POLR1A: variants seen among roughly 807,000 people sequenced by gnomAD.
POLR1A encodes DNA-directed RNA polymerase I subunit RPA1.
Under a neutral mutation model 205.3 loss-of-function variants are expected in POLR1A, and 84 were observed. The observed-to-expected ratio is 0.41, with a 90% CI of 0.34 to 0.49. The LOEUF (loss-of-function observed/expected upper bound fraction) is 0.49. POLR1A is among the 20% of genes least tolerant of loss of function. The pLI is 0.22. For synonymous variants in POLR1A, 799 were observed against 863.7 expected (o/e 0.93, Z 1.31); for missense variants, 1,645 against 2,204.5 (o/e 0.75, Z 5.08).
chr2:86,089,723 C>A, intron 4 of POLR1A, 99 bp downstream of exon 4: 1 of 750,774 alleles, frequency 1.3e-6, no homozygotes. Context: ...AAACTCAGGT[C>A]TACTTTGGGA....
At chr2:86,044,117 G>C (rs1270179217) in intron 22 of POLR1A, 22 bp downstream of exon 22, 3 of 1,612,618 alleles carry the variant, frequency 1.9e-6, no homozygotes, top group African/African-American at 2.7e-5. Flanking sequence ...CGGCCCCCAG[G>C]CTCCGGGATC....
At chr2:86,084,979 T>G (rs963780619) in intron 6 of POLR1A, among the ~76,000 whole-genome samples, 4 of 152,134 alleles carry the variant, frequency 2.6e-5, no homozygotes, top group African/African-American at 9.7e-5. Context: ...TCTTTTTTTC[T>G]GAGACAGAGA....
At chr2:86,057,835 C>T (rs942186889) in intron 14 of POLR1A, among the ~76,000 whole-genome samples, 5 of 152,056 alleles carry the variant, frequency 3.3e-5, no homozygotes, top group African/African-American at 9.7e-5. Flanking sequence ...AGGTACATGT[C>T]ATCTTTTTGG....
intron 1 of POLR1A, among the ~76,000 whole-genome samples, chr2:86,103,415 A>C (rs1050177445): frequency 3.9e-5 from 6 of 152,178 alleles, no homozygotes; most frequent in African/African-American, 1.2e-4. Flanking sequence ...CCTCCAGGCC[A>C]TTTGTAAAGA....
rs370848899 is a variant in POLR1A, at chr2:86,098,635, G to A, written c.408C>T (p.Tyr136=). The A allele has an allele frequency of 2.7e-5, 44 of 1,613,350 alleles. No individual in the cohort carries two copies. Among genetic ancestry groups the A allele is most frequent in the African/African-American group, 1.3e-4 (10 of 74,820 alleles). ...CCCTGTTCAGAATTCTCTCAAGCTC[G>A]TAGACTGCTTGTAGGGCCCCGACTT... ...VLEVGALQAV[Y]ELERILNRFL... The change falls in exon 3 of 34, where the codon TAC becomes TAT. Residue 136 remains tyrosine, a synonymous_variant. Transcript: ENST00000263857.
rs1313887270 is a variant in POLR1A at position 86,045,716 on chromosome 2, C to T, written c.2787G>A (p.Met929Ile). Residue 929 changes from methionine to isoleucine, a missense_variant, in exon 20 of 34, where the codon ATG (methionine) becomes ATA (isoleucine). Physicochemically the swap from Met to Ile is conservative, Grantham distance 10. Around this residue, in one of 16 missense-constraint regions of POLR1A, gnomAD observed 339 missense variants for 415.1 expected, o/e 0.82. Transcript: ENST00000263857. ...IELEGRRPPL[M>I]ASGKSLPCFE... ...AGCAGGGCAGTGACTTGCCAGACGCCATCAGCGGGGGTCTCCGACCTTCCA... is the reference window on the plus strand; with the variant it reads ...AGCAGGGCAGTGACTTGCCAGACGCTATCAGCGGGGGTCTCCGACCTTCCA... 1 of 1,610,334 alleles carries T rather than the reference C, an allele frequency of 6.2e-7. No individual in the cohort carries two copies. Among genetic ancestry groups the T allele is most frequent in the African/African-American group, 1.3e-5 (1 of 74,518 alleles).
At chr2:86,047,394 C>T (rs1297400097) in intron 18 of POLR1A, 131 bp from the exon 19 acceptor site, 4 of 638,530 alleles carry the variant, frequency 6.3e-6, no homozygotes, top group African/African-American at 3.6e-5. Flanking sequence ...AAATCCCACT[C>T]GAGGTAAGAG....
rs749243846 is a variant in POLR1A, at chr2:86,028,943, G to A, written c.4780-232C>T. On this transcript the variant is annotated intron_variant, in intron 31 of 33. Transcript: ENST00000263857. The surrounding 1 kb of genome is among the most constrained non-coding windows in gnomAD (Gnocchi z 4.5). ...TGTATCGTCATTACAAGAATCCAGC[G>A]TGTCCACTTTGGACACGCTTTAGAT... is the stretch of plus-strand genomic sequence containing the variant. The A allele has an allele frequency of 9.9e-4, 515 of 517,622 alleles. 5 individuals are homozygous for A. The highest frequency in any genetic ancestry group is 1.9e-4 in the Non-Finnish European group (54 of 290,216). 32.1% of individuals were successfully genotyped at this position (517,622 alleles called of 1,614,324 possible).
intron 12 of POLR1A, among the ~76,000 whole-genome samples, chr2:86,073,733 G>C (rs903478949): frequency 3.3e-5 from 5 of 152,234 alleles, no homozygotes; most frequent in Admixed American, 1.3e-4. Flanking sequence ...AGGGTGGCGA[G>C]GATCCGTCTG....
intron 13 of POLR1A, among the ~76,000 whole-genome samples, chr2:86,069,593 C>T (rs1673140660): frequency 6.6e-6 from 1 of 152,132 alleles, no homozygotes; most frequent in Non-Finnish European, 1.5e-5. Flanking sequence ...CTCTTCTGGG[C>T]CCTTGGGGTT....
At chr2:86,071,243 T>C (rs311577) in intron 12 of POLR1A, among the ~76,000 whole-genome samples, 124,330 of 150,754 alleles carry the variant, frequency 0.82, 51,949 homozygotes, top group Non-Finnish European at 0.89. Flanking sequence ...TGTGTGTGTG[T>C]GTGTGTGTGT....
rs1690191726 is a variant in POLR1A at position 86,023,514 on chromosome 2, G to T, written c.*3909C>A. On this transcript the variant is annotated 3_prime_UTR_variant, in exon 34 of 34. Coordinates refer to ENST00000263857, the MANE Select transcript of POLR1A (RefSeq NM_015425.6). ...CACTTAAGGGTCCCAACATCTGATT[G>T]AAACACAGCCCACACCAAACCACGA... 1 of 152,150 alleles carries T rather than the reference G, an allele frequency of 6.6e-6. No individual in the cohort carries two copies. Among genetic ancestry groups the T allele is most frequent in the African/African-American group, 2.4e-5 (1 of 41,428 alleles). The allele number at this position is 152,150 out of a possible 1,614,324, so 9.4% of individuals were successfully genotyped here.
At position 86,070,837 on chromosome 2, in the gene POLR1A, ACTTCAAAAATTAAGAGCTG is replaced by A. The variant is rs1673165247; in HGVS notation, c.1612-584_1612-566del. Among the ~76,000 whole-genome samples the A allele has an allele frequency of 6.6e-6, 1 of 152,186 alleles. No individual in the cohort carries two copies. Among genetic ancestry groups the A allele is most frequent in the Non-Finnish European group, 1.5e-5 (1 of 68,028 alleles). ...ATGCCCTCAGAGAACACTTTATTGC[ACTTCAAAAATTAAGAGCTG>A]TAAATTGTCATAGTCTTTTGGGAAC... On this transcript the variant is annotated intron_variant, in intron 12 of 33. Transcript: ENST00000263857. This position sits in a 1 kb window ranked among gnomAD's most constrained non-coding sequence, Gnocchi z 4.4.
At chr2:86,086,512 A>C (rs1573831497) in intron 6 of POLR1A, among the ~76,000 whole-genome samples, 2 of 152,348 alleles carry the variant, frequency 1.3e-5, no homozygotes, top group East Asian at 3.9e-4. Flanking sequence ...GCCCCTTCAG[A>C]GAGCAGAGAC....
chr2:86,101,396 A>G (rs1673819594), intron 1 of POLR1A, among the ~76,000 whole-genome samples: 1 of 152,188 alleles, frequency 6.6e-6, no homozygotes, highest in Non-Finnish European at 1.5e-5. Context: ...TCAGCTCTAG[A>G]AGATTCTATG....
intron 2 of POLR1A, among the ~76,000 whole-genome samples, chr2:86,099,356 TA>T (rs1183556765): frequency 0.017 from 2,172 of 128,094 alleles, 26 homozygotes; most frequent in African/African-American, 0.044. Context: ...GACACTGTCT[TA>T]AAAAAAAAAA....
intron 12 of POLR1A, among the ~76,000 whole-genome samples, chr2:86,073,288 A>G (rs1255039740): frequency 6.6e-6 from 1 of 152,084 alleles, no homozygotes; most frequent in African/African-American, 2.4e-5. Flanking sequence ...TTCTGTAAAT[A>G]AAGTTTGATT....
intron 3 of POLR1A, among the ~76,000 whole-genome samples, chr2:86,093,489 T>C (rs760642943): frequency 2.6e-5 from 4 of 152,196 alleles, no homozygotes; most frequent in Non-Finnish European, 4.4e-5. Flanking sequence ...AATTATTACC[T>C]TCTAATCCTC....
Position 86,031,417 on chromosome 2 carries a change from G to C in POLR1A, c.4491C>G (p.Ala1497=). 6 of 1,613,656 alleles carry C rather than the reference G, an allele frequency of 3.7e-6. No individual in the cohort carries two copies. Among genetic ancestry groups the C allele is most frequent in the Non-Finnish European group, 5.1e-6 (6 of 1,179,750 alleles). ...GCACAGCCTGGACCCGGCGCTCCAT[G>C]GCCTCGGGCCCCTGGGGCTCCTGGC... ...THSQEPQGPE[A]MERRVQAVRE... is the part of the protein sequence containing the mutation. Residue 1497 remains alanine, a synonymous_variant, in exon 30 of 34, where the codon GCC becomes GCG. Transcript: ENST00000263857.
Sources: gnomAD v4.1 joint callset for allele counts (sites outside exome capture counted in the v4.1 genomes callset) on GRCh38, gnomAD v4.1.1 for gene constraint, gnomAD v4.1.1 regional missense constraint, Gnocchi (gnomAD v3.1) non-coding constraint, MANE v1.5 for transcripts, NCBI Gene and HGNC (gene_info 2026-07-23, HGNC 2026-07-21) for gene names.